Variants in CNTNAP2 observed in about 807,000 individuals in gnomAD.
The protein encoded by CNTNAP2 is contactin associated protein 2.
Under a neutral mutation model 155.2 loss-of-function variants are expected in CNTNAP2, and 98 were observed. The ratio of observed to expected loss-of-function variants is 0.63; its 90% CI spans 0.54 to 0.75. CNTNAP2 has a LOEUF of 0.75. Among genes scored for constraint, CNTNAP2 ranks in the 30% least tolerant of loss-of-function variants. The probability of loss-of-function intolerance (pLI) is 0.00; values close to 1 mark genes in which losing one functional copy is unlikely to be tolerated. For missense variants in CNTNAP2, 1,727 were observed against 1,688.1 expected (o/e 1.02, Z -0.40); for synonymous variants, 651 against 631.2 (o/e 1.03, Z -0.47).
chr7:147,254,727 G>A (rs1033403583), intron 8 of CNTNAP2, among the ~76,000 whole-genome samples: 1 of 152,152 alleles, frequency 6.6e-6, no homozygotes, highest in Non-Finnish European at 1.5e-5. Flanking sequence ...AAAACATACA[G>A]CTTGACATCT....
intron 2 of CNTNAP2, among the ~76,000 whole-genome samples, chr7:146,825,780 G>A (rs1803388967): frequency 6.6e-6 from 1 of 151,980 alleles, no homozygotes; most frequent in Non-Finnish European, 1.5e-5. Flanking sequence ...GGTCGACCTA[G>A]CTTCAAAATC....
At chr7:147,233,583 CAA>C (rs11354058) in intron 8 of CNTNAP2, among the ~76,000 whole-genome samples, 4,934 of 135,912 alleles carry the variant, frequency 0.036, 98 homozygotes, top group African/African-American at 0.055. Flanking sequence ...ACCAAAAAAG[CAA>C]AAAAAAAAAA....
intron 15 of CNTNAP2, among the ~76,000 whole-genome samples, chr7:148,010,381 C>T (rs915516457): frequency 6.6e-5 from 10 of 151,662 alleles, no homozygotes; most frequent in Non-Finnish European, 8.8e-5. Flanking sequence ...AGAATTCATC[C>T]ATTTTCCTTT....
intron 1 of CNTNAP2, among the ~76,000 whole-genome samples, chr7:146,398,439 T>TA (rs1414859057): frequency 6.6e-6 from 1 of 152,052 alleles, no homozygotes. Flanking sequence ...ATCATGCGAA[T>TA]AGCGTGGAGG....
At chr7:146,204,981 G>A (rs1798924272) in intron 1 of CNTNAP2, among the ~76,000 whole-genome samples, 1 of 151,976 alleles carries the variant, frequency 6.6e-6, no homozygotes, top group Non-Finnish European at 1.5e-5. Flanking sequence ...ATATACTGAG[G>A]CATTGACAGT....
intron 9 of CNTNAP2, among the ~76,000 whole-genome samples, chr7:147,326,377 T>G (rs939855862): frequency 2.6e-5 from 4 of 152,246 alleles, no homozygotes; most frequent in Non-Finnish European, 5.9e-5. Flanking sequence ...GAATTTTGAT[T>G]CTTTTCATGG....
chr7:146,185,385 GT>G (rs1433172608), intron 1 of CNTNAP2, among the ~76,000 whole-genome samples: 1 of 152,110 alleles, frequency 6.6e-6, no homozygotes, highest in Non-Finnish European at 1.5e-5. Flanking sequence ...CCATGGCAAA[GT>G]TGAGTAACTT....
chr7:148,102,121 CCCTT>C (rs1416085354), intron 15 of CNTNAP2, among the ~76,000 whole-genome samples: 1 of 152,174 alleles, frequency 6.6e-6, no homozygotes, highest in East Asian at 1.9e-4. Flanking sequence ...CTGCTCCTCT[CCCTT>C]CTTCCAGCCT....
chr7:146,804,816 G>A lies in CNTNAP2; in HGVS notation c.208+30435G>A, dbSNP rs559568073. 3.3e-5 allele frequency among the ~76,000 whole-genome samples: 5 copies of A among 152,264 alleles called. No homozygotes were observed. The South Asian group carries it at 1.0e-3, about 32-fold the overall frequency. On this transcript the variant is annotated intron_variant, in intron 2 of 23. Coordinates refer to ENST00000361727, the MANE Select transcript of CNTNAP2 (RefSeq NM_014141.6). ...AGCGTGAAAGTCACACAAAGCCCCA[G>A]TCTCAATGATGTATTCCTCTTCCCA...
chr7:146,906,134 C>T (rs1796119828), intron 3 of CNTNAP2, among the ~76,000 whole-genome samples: 1 of 152,246 alleles, frequency 6.6e-6, no homozygotes, highest in South Asian at 2.1e-4. Context: ...TATCCCACAC[C>T]TGGCTCGGAG....
At chr7:146,782,709 T>A (rs993872311) in intron 2 of CNTNAP2, among the ~76,000 whole-genome samples, 3 of 152,160 alleles carry the variant, frequency 2.0e-5, no homozygotes, top group African/African-American at 7.2e-5. Flanking sequence ...TACTTGTAGT[T>A]TAAAATAAAA....
In CNTNAP2 at chr7:146,985,524, G is replaced by A. The variant is rs527250141; in HGVS notation, c.403-58383G>A. Among the ~76,000 whole-genome samples the A allele has an allele frequency of 3.3e-5, 5 of 151,962 alleles. No homozygotes were observed. In the East Asian group the frequency reaches 9.7e-4, roughly 29 times the overall value. On this transcript the variant is annotated intron_variant, in intron 3 of 23. Coordinates refer to ENST00000361727, the MANE Select transcript of CNTNAP2 (RefSeq NM_014141.6). Reference sequence around the variant, plus strand: ...TTTAGTAGAGACGGAGTTTCACCATGTTAGCCAGGATGGTCTCGATCTCCT... The same window carrying A: ...TTTAGTAGAGACGGAGTTTCACCATATTAGCCAGGATGGTCTCGATCTCCT...
chr7:147,046,302 C>G (rs11971349), intron 4 of CNTNAP2, among the ~76,000 whole-genome samples: 1 of 151,612 alleles, frequency 6.6e-6, no homozygotes, highest in East Asian at 1.9e-4. Context: ...AAAAATTCAC[C>G]TGATTTGTAT....
chr7:146,679,093 T>A (rs1379639633), intron 1 of CNTNAP2, among the ~76,000 whole-genome samples: 1 of 152,124 alleles, frequency 6.6e-6, no homozygotes, highest in Non-Finnish European at 1.5e-5. Context: ...GTTGTATAGA[T>A]TATTTCATCA....
chr7:148,166,289 G>A (rs1242974056), intron 17 of CNTNAP2, among the ~76,000 whole-genome samples: 3 of 152,094 alleles, frequency 2.0e-5, no homozygotes, highest in Non-Finnish European at 4.4e-5. Context: ...ATACTATGAA[G>A]CAGACAAACA....
At chr7:146,838,799 A>C (rs999742474) in intron 2 of CNTNAP2, among the ~76,000 whole-genome samples, 18 of 152,214 alleles carry the variant, frequency 1.2e-4, no homozygotes, top group Non-Finnish European at 2.1e-4. Flanking sequence ...TTATTTAAAA[A>C]ATAGTACACA....
chr7:146,625,722 G>GT (rs898505249), intron 1 of CNTNAP2, among the ~76,000 whole-genome samples: 3 of 151,994 alleles, frequency 2.0e-5, no homozygotes, highest in African/African-American at 4.8e-5. Flanking sequence ...CAAAAGGTTG[G>GT]TTTTCAAAAG....
chr7:147,239,906 A>G lies in CNTNAP2; in HGVS notation c.1349-60235A>G, dbSNP rs73742504. Reference sequence around the variant, plus strand: ...TCGTAATGCATCTTTTTCATATATAATATTTTTTATTTCAAAGTTTTTGGG... The same window carrying G: ...TCGTAATGCATCTTTTTCATATATAGTATTTTTTATTTCAAAGTTTTTGGG... On this transcript the variant is annotated intron_variant, in intron 8 of 23. Transcript: ENST00000361727. 7.7e-3 allele frequency among the ~76,000 whole-genome samples: 1,175 copies of G among 152,178 alleles called. 17 individuals are homozygous for G. Among genetic ancestry groups the G allele is most frequent in the African/African-American group, 0.027 (1,121 of 41,528 alleles).
intron 1 of CNTNAP2, among the ~76,000 whole-genome samples, chr7:146,717,844 A>G (rs548121055): frequency 5.6e-4 from 85 of 152,030 alleles, no homozygotes; most frequent in African/African-American, 1.9e-3. Flanking sequence ...GTAATGCATT[A>G]TCCCTACCTT....
Sources: allele counts gnomAD v4.1 joint callset (sites outside exome capture counted in the v4.1 genomes callset), GRCh38; gene constraint gnomAD v4.1.1; transcripts MANE v1.5; gene names NCBI Gene and HGNC (gene_info 2026-07-23, HGNC 2026-07-21).